Variants in DNAH8 observed in about 807,000 individuals in gnomAD.
The protein encoded by DNAH8 is axonemal beta dynein heavy chain 8.
A neutral mutation model predicts 562.1 loss-of-function variants in DNAH8; 382 were observed. The ratio of observed to expected loss-of-function variants is 0.68; its 90% CI spans 0.63 to 0.74. DNAH8 has a LOEUF of 0.74. DNAH8 is among the 30% of genes least tolerant of loss of function. The probability of loss-of-function intolerance (pLI) is 0.00; values close to 1 mark genes in which losing one functional copy is unlikely to be tolerated. For synonymous variants in DNAH8, 1,881 were observed against 1,919.4 expected (o/e 0.98, Z 0.52); for missense variants, 5,203 against 5,620.4 (o/e 0.93, Z 2.37).
intron 10 of DNAH8, among the ~76,000 whole-genome samples, chr6:38,759,796 CA>C: frequency 6.6e-6 from 1 of 152,160 alleles, no homozygotes; most frequent in African/African-American, 2.4e-5. Flanking sequence ...TCAGTTTAAC[CA>C]AAATCCCCCT....
At chr6:38,975,806 T>C (rs182775957) in intron 85 of DNAH8, among the ~76,000 whole-genome samples, 11 of 152,366 alleles carry the variant, frequency 7.2e-5, no homozygotes, top group Non-Finnish European at 1.2e-4. Flanking sequence ...TGCTATTTCA[T>C]TCCCAATTCA....
rs1189384115 is a variant in DNAH8 at position 38,780,004 on chromosome 6, T to C, written c.2078T>C (p.Ile693Thr). 6.2e-7 allele frequency: 1 copy of C among 1,613,950 alleles called. No individual in the cohort carries two copies. The highest frequency in any genetic ancestry group is 1.3e-5 in the African/African-American group (1 of 74,928). ...KLNIPCLGLE[I>T]NHTIERILQY... ...AACATTCCCTGTCTGGGATTAGAAA[T>C]AAACCACACAATAGAGCGTATTCTT... The change falls in exon 15 of 93, where the codon ATA becomes ACA. Residue 693 changes from isoleucine (I) to threonine (T), a missense_variant. Ile to Thr is a moderately conservative substitution (Grantham distance 89, BLOSUM62 -1). Coordinates refer to ENST00000327475, the MANE Select transcript of DNAH8 (RefSeq NM_001206927.2).
intron 31 of DNAH8, 103 bp downstream of exon 31, chr6:38,832,538 G>C: frequency 1.5e-6 from 1 of 657,936 alleles, no homozygotes; most frequent in South Asian, 2.2e-5. Flanking sequence ...CATGTATGTG[G>C]CTATATTTGC....
chr6:38,762,593 G>T (rs1010494310), intron 11 of DNAH8, among the ~76,000 whole-genome samples: 2 of 152,178 alleles, frequency 1.3e-5, no homozygotes, highest in African/African-American at 2.4e-5. Context: ...AATGGAGGGT[G>T]GGGGGAAGTA....
rs779022579 is a variant in DNAH8 at position 38,929,558 on chromosome 6, C to T, written c.11166C>T (p.Ser3722=). The part of the protein sequence containing the change: ...HKYFRTHLED[S]LSLGRPLLIE... ...ATTTTCGCACACACTTGGAGGACAGCCTTTCCTTGGGCCGACCCCTTCTCA... is the reference window on the plus strand; with the variant it reads ...ATTTTCGCACACACTTGGAGGACAGTCTTTCCTTGGGCCGACCCCTTCTCA... Residue 3722 remains serine, a synonymous_variant, in exon 75 of 93, where the codon AGC becomes AGT. Transcript: ENST00000327475. 1 of 1,612,874 alleles carries T rather than the reference C, an allele frequency of 6.2e-7. No homozygotes were observed. The highest frequency in any genetic ancestry group is 1.1e-5 in the South Asian group (1 of 90,976).
intron 3 of DNAH8, among the ~76,000 whole-genome samples, chr6:38,726,932 A>G (rs1276551124): frequency 7.4e-6 from 1 of 134,538 alleles, no homozygotes; most frequent in African/African-American, 2.9e-5. Context: ...ATCTCAGCTC[A>G]CTGTAATCTC....
rs1187108274 is a variant in DNAH8 at position 38,890,634 on chromosome 6, A to G, written c.8474-18A>G. The G allele has an allele frequency of 6.5e-7, 1 of 1,546,782 alleles. No homozygotes were observed. The highest frequency in any genetic ancestry group is 2.2e-5 in the East Asian group (1 of 44,506). Reference sequence around the variant, plus strand: ...ATCTTTTGGTAAGCTTATACCTTCAATCTTGCTTATCTTTCAGGAATTATT... The same window carrying G: ...ATCTTTTGGTAAGCTTATACCTTCAGTCTTGCTTATCTTTCAGGAATTATT... On this transcript the variant is annotated intron_variant, in intron 57 of 92. Coordinates refer to ENST00000327475, the MANE Select transcript of DNAH8 (RefSeq NM_001206927.2).
chr6:38,848,302 T>C (rs1775458122), intron 36 of DNAH8, among the ~76,000 whole-genome samples: 2 of 152,120 alleles, frequency 1.3e-5, no homozygotes, highest in Non-Finnish European at 2.9e-5. Flanking sequence ...CCACTTGGAT[T>C]TGGTTCACAG....
chr6:38,787,198 G>A (rs938704224), intron 18 of DNAH8, among the ~76,000 whole-genome samples: 1 of 151,920 alleles, frequency 6.6e-6, no homozygotes, highest in Non-Finnish European at 1.5e-5. Context: ...TGACGAAATA[G>A]CAAGTTTCAA....
Position 38,910,367 on chromosome 6 carries a change from C to A in DNAH8, c.9740+623C>A, listed in dbSNP as rs376864731. 4.6e-5 allele frequency among the ~76,000 whole-genome samples: 7 copies of A among 152,300 alleles called. No individual in the cohort carries two copies. In the East Asian group the frequency reaches 1.3e-3, roughly 29 times the overall value. On this transcript the variant is annotated intron_variant, in intron 65 of 92. Coordinates refer to ENST00000327475, the MANE Select transcript of DNAH8 (RefSeq NM_001206927.2). Reference sequence around the variant, plus strand: ...GATTGACAAATGGGCCAACGTGGATCCCCAGAAAAGCTATGCCTGTTTTTC... The same window carrying A: ...GATTGACAAATGGGCCAACGTGGATACCCAGAAAAGCTATGCCTGTTTTTC...
At chr6:38,906,631 T>TCA (rs1780500769) in intron 63 of DNAH8, among the ~76,000 whole-genome samples, 3 of 152,230 alleles carry the variant, frequency 2.0e-5, no homozygotes, top group African/African-American at 7.2e-5. Flanking sequence ...ACTTGTCTCT[T>TCA]CAGTCTTCAC....
intron 58 of DNAH8, among the ~76,000 whole-genome samples, chr6:38,892,221 G>A (rs1313212302): frequency 6.6e-6 from 1 of 152,010 alleles, no homozygotes; most frequent in African/African-American, 2.4e-5. Flanking sequence ...GCCTCATCAA[G>A]CTTCAAGGCT....
Position 38,883,945 on chromosome 6 carries a change from A to T in DNAH8, c.8206A>T (p.Thr2736Ser), listed in dbSNP as rs774918876. The stretch of plus-strand genomic sequence containing the variant: ...TGGGCCACCAGGAGGGAGAAAAATG[A>T]CTGTATTTATTGATGATATTAATAT... The part of the protein sequence containing the change: ...TYGPPGGRKM[T>S]VFIDDINMPV... The change falls in exon 56 of 93, where the codon ACT (threonine) becomes TCT (serine). Residue 2736 changes from threonine to serine, a missense_variant. Transcript: ENST00000327475. The T allele has an allele frequency of 2.5e-6, 4 of 1,590,248 alleles. No individual in the cohort carries two copies. In the African/African-American group the frequency reaches 5.4e-5, roughly 21 times the overall value.
At chr6:38,805,415 C>A in intron 22 of DNAH8, 66 bp from the exon 23 acceptor site, 1 of 942,230 alleles carries the variant, frequency 1.1e-6, no homozygotes, top group Non-Finnish European at 1.7e-6. Flanking sequence ...GAGGATTTGG[C>A]CATGTAGAAT....
At chr6:38,784,337 A>G (rs956314504) in intron 17 of DNAH8, among the ~76,000 whole-genome samples, 1 of 152,228 alleles carries the variant, frequency 6.6e-6, no homozygotes, top group South Asian at 2.1e-4. Context: ...TTTTGGTTCT[A>G]CAATGCCGCG....
At chr6:38,997,697 T>TCA (rs1765229748) in intron 88 of DNAH8, among the ~76,000 whole-genome samples, 1 of 152,196 alleles carries the variant, frequency 6.6e-6, no homozygotes, top group Non-Finnish European at 1.5e-5. Context: ...GCCAGAGGAA[T>TCA]CATTAATTTA....
intron 17 of DNAH8, among the ~76,000 whole-genome samples, chr6:38,784,885 A>G (rs544058403): frequency 6.6e-6 from 1 of 152,350 alleles, no homozygotes; most frequent in South Asian, 2.1e-4. Context: ...AGTGTCAAGA[A>G]TGATGCCAGG....
intron 62 of DNAH8, among the ~76,000 whole-genome samples, chr6:38,904,578 G>C (rs1214077942): frequency 6.6e-6 from 1 of 151,972 alleles, no homozygotes; most frequent in Non-Finnish European, 1.5e-5. Flanking sequence ...ATCACCTGAG[G>C]TGAGGAGTTC....
chr6:39,023,399 A>G (rs932130767), intron 91 of DNAH8, among the ~76,000 whole-genome samples: 4 of 152,200 alleles, frequency 2.6e-5, no homozygotes, highest in African/African-American at 9.6e-5. Flanking sequence ...AGGCTGAGGC[A>G]GGAGAGTGGT....
Sources: allele counts gnomAD v4.1 joint callset (sites outside exome capture counted in the v4.1 genomes callset), GRCh38; gene constraint gnomAD v4.1.1; transcripts MANE v1.5; gene names NCBI Gene and HGNC (gene_info 2026-07-23, HGNC 2026-07-21).